TRRAP: variants seen among roughly 807,000 people sequenced by gnomAD.
TRRAP encodes transformation/transcription domain associated protein, also known as transformation/transcription domain-associated protein.
TRRAP carries 41 observed loss-of-function variants against 438.8 expected under a neutral mutation model. The ratio of observed to expected loss-of-function variants is 0.09; its 90% CI spans 0.07 to 0.12. The LOEUF (loss-of-function observed/expected upper bound fraction) is 0.12. TRRAP is among the 10% of genes least tolerant of loss of function. The pLI is 1.00. For synonymous variants in TRRAP, 1,994 were observed against 1,962.9 expected (o/e 1.02, Z -0.42); for missense variants, 3,122 against 5,055.1 (o/e 0.62, Z 11.60).
At chr7:98,933,471 C>CT in intron 27 of TRRAP, 69 bp downstream of exon 27, 2 of 1,533,698 alleles carry the variant, frequency 1.3e-6, no homozygotes, top group South Asian at 2.5e-5. Flanking sequence ...TCTTTGTACG[C>CT]GAAGACTGGT....
Position 98,976,022 on chromosome 7 carries a change from C to G in TRRAP, c.7840-127C>G. On this transcript the variant is annotated intron_variant, in intron 53 of 72. Transcript: ENST00000456197. The surrounding 1 kb of genome is among the most constrained non-coding windows in gnomAD (Gnocchi z 4.6). ...ACTCTAACATGGCATTTTCTCAGAT[C>G]TTTGAAACTTTGAAAGTGGAGGAGC... The G allele has an allele frequency of 8.1e-7, 1 of 1,229,016 alleles. No individual in the cohort carries two copies. The highest frequency in any genetic ancestry group is 1.7e-5 in the South Asian group (1 of 59,432). The allele number at this position is 1,229,016 out of a possible 1,614,324, so 76.1% of individuals were successfully genotyped here.
chr7:98,914,289 A>G (rs993800406), intron 18 of TRRAP, among the ~76,000 whole-genome samples: 1 of 152,050 alleles, frequency 6.6e-6, no homozygotes, highest in Non-Finnish European at 1.5e-5. Flanking sequence ...AGTCCCAGCT[A>G]CTCAGGAAGC....
At position 99,012,057 on chromosome 7, in the gene TRRAP, T is replaced by C. The variant is rs749866932; in HGVS notation, c.11338-14T>C. On this transcript the variant is annotated splice_polypyrimidine_tract_variant and intron_variant, in intron 72 of 72. Coordinates refer to ENST00000456197, the MANE Select transcript of TRRAP (RefSeq NM_001375524.1). The surrounding 1 kb of genome is among the most constrained non-coding windows in gnomAD (Gnocchi z 5.9). ...TGGTTAAACACAAGTCGTCTCGTTC[T>C]CTCCCTCACGCAGGTGGATGGCATT... 36 of 1,611,104 alleles carry C rather than the reference T, an allele frequency of 2.2e-5. No individual in the cohort carries two copies. In the Admixed American group the frequency reaches 6.0e-4, roughly 27 times the overall value.
At chr7:98,946,521 C>T (rs1357173289) in intron 33 of TRRAP, among the ~76,000 whole-genome samples, 1 of 150,062 alleles carries the variant, frequency 6.7e-6, no homozygotes, top group Non-Finnish European at 1.5e-5. Flanking sequence ...GCACACACAC[C>T]AGTGCACTCA....
At chr7:98,999,244 T>C (rs764652935) in intron 67 of TRRAP, 9 of 1,185,254 alleles carry the variant, frequency 7.6e-6, no homozygotes, top group Non-Finnish European at 1.1e-5. Flanking sequence ...ATGCATTCAC[T>C]GCCCAGCTTC....
At chr7:98,946,047 CGT>C in intron 33 of TRRAP, 97 bp downstream of exon 33, 2 of 1,251,138 alleles carry the variant, frequency 1.6e-6, no homozygotes, top group Non-Finnish European at 2.1e-6. Flanking sequence ...GGACAGAGTG[CGT>C]TGTGCCCTTG....
At position 98,910,238 on chromosome 7, in the gene TRRAP, C is replaced by T; in HGVS notation, c.1533C>T (p.Pro511=). The T allele has an allele frequency of 7.0e-7, 1 of 1,436,862 alleles. No homozygotes were observed. The highest frequency in any genetic ancestry group is 9.2e-7 in the Non-Finnish European group (1 of 1,084,322). 89.0% of individuals were successfully genotyped at this position (1,436,862 alleles called of 1,614,324 possible). ...APVPAPPPPP[P]PPPPATPVTP... ...TCCCTGCCCCACCTCCACCCCCGCC[C>T]CCACCCCCACCTGCCACCCCTGTGA... The change falls in exon 15 of 73, where the codon CCC becomes CCT. Residue 511 remains proline, a synonymous_variant. Transcript: ENST00000456197.
chr7:98,922,669 A>AT (rs1789854889), intron 21 of TRRAP, among the ~76,000 whole-genome samples: 1 of 151,954 alleles, frequency 6.6e-6, no homozygotes, highest in Non-Finnish European at 1.5e-5. Context: ...TGTATTGGGT[A>AT]TTTTTTTAAG....
chr7:98,885,485 G>A lies in TRRAP; in HGVS notation c.150+3461G>A, dbSNP rs115643404. On this transcript the variant is annotated intron_variant, in intron 3 of 72. Transcript: ENST00000456197. ...TTGTATTAATAAACATTAAATACAT[G>A]TTAGTGGGGTTGAATCAAATACCCT... Among the ~76,000 whole-genome samples, 1,138 of 152,112 alleles carry A rather than the reference G, an allele frequency of 7.5e-3. 13 individuals are homozygous for A. Among genetic ancestry groups the A allele is most frequent in the African/African-American group, 0.026 (1,079 of 41,494 alleles).
chr7:99,011,613 T>C lies in TRRAP; in HGVS notation c.11337+78T>C. On this transcript the variant is annotated intron_variant, in intron 72 of 72. Transcript: ENST00000456197. The surrounding 1 kb of genome is among the most constrained non-coding windows in gnomAD (Gnocchi z 7.1). The stretch of plus-strand genomic sequence containing the variant: ...CCGCGCGTCACGGCCTTGCAGGAGC[T>C]GCTGATGTGCCTCACGGGCTCTGCG... 6.6e-7 allele frequency: 1 copy of C among 1,509,068 alleles called. No homozygotes were observed. 93.5% of individuals were successfully genotyped at this position (1,509,068 alleles called of 1,614,324 possible). A position where few individuals can be genotyped will look rare whatever the true frequency, so the allele number is the denominator to read the frequency against.
At chr7:98,999,380 A>T (rs1334389424) in intron 67 of TRRAP, 2 of 1,368,194 alleles carry the variant, frequency 1.5e-6, no homozygotes, top group East Asian at 4.6e-5. Flanking sequence ...CAGCTCTCTC[A>T]TCCACAATTT....
chr7:98,910,027 C>G, intron 14 of TRRAP, 29 bp from the exon 15 acceptor site: 2 of 1,531,426 alleles, frequency 1.3e-6, no homozygotes, highest in Non-Finnish European at 1.8e-6. Context: ...ATAATTCTGT[C>G]TTCCCTCTTG....
chr7:98,892,706 C>G (rs1323268631), intron 5 of TRRAP, among the ~76,000 whole-genome samples, 178 bp downstream of exon 5: 1 of 152,160 alleles, frequency 6.6e-6, no homozygotes, highest in Non-Finnish European at 1.5e-5. Flanking sequence ...AGAAAGATTA[C>G]TTAATTGAAA....
chr7:98,899,912 T>G (rs1255396188), intron 10 of TRRAP, 145 bp downstream of exon 10: 8 of 796,558 alleles, frequency 1.0e-5, no homozygotes, highest in Non-Finnish European at 1.6e-5. Flanking sequence ...CACCTGTGTT[T>G]CAGGGATGAC....
intron 67 of TRRAP, among the ~76,000 whole-genome samples, chr7:99,002,392 G>A (rs886681203): frequency 6.6e-6 from 1 of 152,252 alleles, no homozygotes; most frequent in Non-Finnish European, 1.5e-5. Context: ...GGATGCTGGT[G>A]TGGGAGGAAG....
intron 48 of TRRAP, 147 bp from the exon 49 acceptor site, chr7:98,965,549 G>T: frequency 1.9e-6 from 2 of 1,039,290 alleles, no homozygotes; most frequent in Non-Finnish European, 2.8e-6. Context: ...GAACATATGA[G>T]TGCTTCAAAT....
intron 57 of TRRAP, 130 bp from the exon 58 acceptor site, chr7:98,978,639 A>G: frequency 7.5e-7 from 1 of 1,325,638 alleles, no homozygotes. Context: ...CATGTCCCAC[A>G]GAAGTCCACT....
chr7:98,948,142 G>T lies in TRRAP; in HGVS notation c.4549-79G>T. 6.3e-7 allele frequency: 1 copy of T among 1,592,772 alleles called. No homozygotes were observed. On this transcript the variant is annotated intron_variant, in intron 33 of 72. Coordinates refer to ENST00000456197, the MANE Select transcript of TRRAP (RefSeq NM_001375524.1). The surrounding 1 kb of genome is among the most constrained non-coding windows in gnomAD (Gnocchi z 4.9). ...GCCTTGCCAACATAGTTAGACTATAGTAGGGTCTGTAGTGACGTTGACCTC... is the reference window on the plus strand; with the variant it reads ...GCCTTGCCAACATAGTTAGACTATATTAGGGTCTGTAGTGACGTTGACCTC...
intron 69 of TRRAP, among the ~76,000 whole-genome samples, chr7:99,006,534 C>T (rs997013121): frequency 6.6e-6 from 1 of 152,190 alleles, no homozygotes; most frequent in African/African-American, 2.4e-5. Flanking sequence ...GTCCTGGAGT[C>T]ATTTGGGGAT....
Sources: gnomAD v4.1 joint callset for allele counts (sites outside exome capture counted in the v4.1 genomes callset) on GRCh38, gnomAD v4.1.1 for gene constraint, Gnocchi (gnomAD v3.1) non-coding constraint, MANE v1.5 for transcripts, NCBI Gene and HGNC (gene_info 2026-07-23, HGNC 2026-07-21) for gene names.